Variants in ANKMY2 observed in about 807,000 individuals in gnomAD.
The protein encoded by ANKMY2 is ankyrin repeat and MYND domain containing 2, also known as ankyrin repeat and MYND domain-containing protein 2.
ANKMY2 carries 36 observed loss-of-function variants against 50.4 expected under a neutral mutation model. That is an observed-to-expected ratio of 0.71 (90% CI 0.55 to 0.94). The LOEUF is 0.94. Among genes scored for constraint, ANKMY2 ranks in the 40% least tolerant of loss-of-function variants. The pLI, the probability that ANKMY2 is intolerant of heterozygous loss-of-function variation, is 0.00. For synonymous variants in ANKMY2, 187 were observed against 178.8 expected, an observed-to-expected ratio of 1.05 and a Z score of -0.36; for missense variants, 565 against 524.0, an observed-to-expected ratio of 1.08 and a Z score of -0.76.
chr7:16,640,011 C>A (rs1781723877), intron 1 of ANKMY2, among the ~76,000 whole-genome samples: 1 of 150,740 alleles, frequency 6.6e-6, no homozygotes, highest in Non-Finnish European at 1.5e-5. Context: ...AAAAAAAATA[C>A]AAAAATTAGC....
chr7:16,620,591 T>TACACAC (rs58418780), intron 4 of ANKMY2, among the ~76,000 whole-genome samples: 3,208 of 145,558 alleles, frequency 0.022, 112 homozygotes, highest in East Asian at 0.11. Context: ...AATACATGTG[T>TACACAC]ACACACACAC....
At chr7:16,615,382 C>A (rs939878750) in intron 5 of ANKMY2, among the ~76,000 whole-genome samples, 1 of 152,142 alleles carries the variant, frequency 6.6e-6, no homozygotes, top group Admixed American at 6.5e-5. Context: ...GGAGGCTGTC[C>A]TTTCCCTCTG....
chr7:16,622,541 A>G (rs1488570609), intron 4 of ANKMY2, among the ~76,000 whole-genome samples: 1 of 152,124 alleles, frequency 6.6e-6, no homozygotes, highest in East Asian at 1.9e-4. Context: ...GTTCAAGACC[A>G]GCCTGACCAA....
intron 2 of ANKMY2, among the ~76,000 whole-genome samples, chr7:16,632,446 A>G (rs1174252227): frequency 6.6e-6 from 1 of 151,958 alleles, no homozygotes; most frequent in Non-Finnish European, 1.5e-5. Context: ...CCACTAATTT[A>G]CTTTCTGTTC....
At chr7:16,609,417 G>T (rs1781209960) in intron 7 of ANKMY2, among the ~76,000 whole-genome samples, 1 of 152,172 alleles carries the variant, frequency 6.6e-6, no homozygotes, top group Non-Finnish European at 1.5e-5. Flanking sequence ...TCCTGTTTAT[G>T]AAACTATGAA....
intron 4 of ANKMY2, among the ~76,000 whole-genome samples, chr7:16,616,503 T>TA (rs1583673565): frequency 2.6e-5 from 4 of 152,172 alleles, no homozygotes; most frequent in African/African-American, 9.6e-5. Context: ...CATCTCTAGT[T>TA]AAAAATGGTT....
Position 16,609,780 on chromosome 7 carries a change from T to C in ANKMY2, c.747-15A>G, listed in dbSNP as rs1229116839. On this transcript the variant is annotated splice_polypyrimidine_tract_variant and intron_variant, in intron 6 of 9. Coordinates refer to ENST00000306999, the MANE Select transcript of ANKMY2 (RefSeq NM_020319.3). ...CTTTTAACAAGCTGAAAGATATTTT[T>C]TAAAGCGTAATTGGAGTTGAATCAC... The C allele has an allele frequency of 1.2e-6, 2 of 1,608,400 alleles. No individual in the cohort carries two copies. Among genetic ancestry groups the C allele is most frequent in the Admixed American group, 3.4e-5 (2 of 58,670 alleles).
intron 3 of ANKMY2, among the ~76,000 whole-genome samples, chr7:16,625,676 T>C (rs1051245768): frequency 6.6e-6 from 1 of 152,186 alleles, no homozygotes; most frequent in African/African-American, 2.4e-5. Context: ...GAACAGTTCC[T>C]GGGAAATATT....
At chr7:16,641,314 G>A (rs1208626372) in intron 1 of ANKMY2, among the ~76,000 whole-genome samples, 4 of 152,110 alleles carry the variant, frequency 2.6e-5, no homozygotes, top group Non-Finnish European at 4.4e-5. Context: ...TTTGTGCGAT[G>A]TTTCTAAAAG....
At chr7:16,601,551 C>T (rs112152579) in intron 9 of ANKMY2, among the ~76,000 whole-genome samples, 48 of 152,332 alleles carry the variant, frequency 3.2e-4, no homozygotes, top group Middle Eastern at 6.8e-3. Flanking sequence ...GTCAGAAAGC[C>T]TGACTATTCT....
intron 2 of ANKMY2, among the ~76,000 whole-genome samples, chr7:16,631,988 G>A (rs1268322960): frequency 1.3e-5 from 2 of 152,064 alleles, no homozygotes; most frequent in African/African-American, 4.8e-5. Context: ...GTTTCCAAAT[G>A]TGTTATCTTA....
intron 2 of ANKMY2, among the ~76,000 whole-genome samples, chr7:16,630,741 G>A (rs1387469878): frequency 6.6e-6 from 1 of 152,192 alleles, no homozygotes. Flanking sequence ...ATAACATTAA[G>A]CAAAGGAGAG....
intron 5 of ANKMY2, among the ~76,000 whole-genome samples, chr7:16,612,113 T>G (rs1275216289): frequency 6.6e-6 from 1 of 152,180 alleles, no homozygotes; most frequent in Non-Finnish European, 1.5e-5. Flanking sequence ...CACAACTGTA[T>G]GCACAGAGCA....
intron 2 of ANKMY2, among the ~76,000 whole-genome samples, chr7:16,632,753 A>C (rs139127918): frequency 6.6e-6 from 1 of 152,250 alleles, no homozygotes; most frequent in East Asian, 1.9e-4. Flanking sequence ...ATATGTTTTC[A>C]TTTCTCTTAA....
At chr7:16,624,936 G>A (rs1781489351) in intron 4 of ANKMY2, 47 bp downstream of exon 4, 1 of 1,526,194 alleles carries the variant, frequency 6.6e-7, no homozygotes, top group East Asian at 2.3e-5. Context: ...TTTTCCACAA[G>A]GGAAATTTTG....
At chr7:16,643,654 A>G (rs1781775479) in intron 1 of ANKMY2, among the ~76,000 whole-genome samples, 1 of 151,956 alleles carries the variant, frequency 6.6e-6, no homozygotes, top group Non-Finnish European at 1.5e-5. Context: ...CTGAGAATGT[A>G]TCCAAGGAAT....
intron 2 of ANKMY2, among the ~76,000 whole-genome samples, chr7:16,634,446 G>A (rs1781629140): frequency 6.6e-6 from 1 of 152,172 alleles, no homozygotes; most frequent in Admixed American, 6.5e-5. Context: ...CTGCATTGAG[G>A]CGATGGAGTT....
In ANKMY2 at chr7:16,602,369, T is replaced by C. The variant is rs776823361; in HGVS notation, c.1141+11A>G. ...TAAAAAGCAGAGTGAACTCGGTTTTTATATACATACGGTTTTCCTCTTGTC... is the reference window on the plus strand; with the variant it reads ...TAAAAAGCAGAGTGAACTCGGTTTTCATATACATACGGTTTTCCTCTTGTC... On this transcript the variant is annotated intron_variant, in intron 9 of 9. Transcript: ENST00000306999. The C allele has an allele frequency of 2.0e-5, 32 of 1,609,504 alleles. No homozygotes were observed. Among genetic ancestry groups the C allele is most frequent in the Non-Finnish European group, 2.6e-5 (31 of 1,178,978 alleles).
intron 4 of ANKMY2, among the ~76,000 whole-genome samples, chr7:16,622,906 A>C (rs776399815): frequency 1.3e-5 from 2 of 152,180 alleles, no homozygotes; most frequent in Non-Finnish European, 2.9e-5. Flanking sequence ...ATAGAAAATC[A>C]AGGATGATTA....
Sources: gnomAD v4.1 joint callset for allele counts (sites outside exome capture counted in the v4.1 genomes callset) on GRCh38, gnomAD v4.1.1 for gene constraint, MANE v1.5 for transcripts, NCBI Gene and HGNC (gene_info 2026-07-23, HGNC 2026-07-21) for gene names.